JAG2: variants seen among roughly 807,000 people sequenced by gnomAD.
The protein encoded by JAG2 is jagged canonical Notch ligand 2.
Under a neutral mutation model 141.7 loss-of-function variants are expected in JAG2, and 46 were observed. The observed-to-expected ratio is 0.32, with a 90% CI of 0.26 to 0.42. The LOEUF (loss-of-function observed/expected upper bound fraction) is 0.42, where lower values mean the gene tolerates loss of function less well. Among genes scored for constraint, JAG2 ranks in the 10% least tolerant of loss-of-function variants. The probability of loss-of-function intolerance (pLI) is 1.00; values close to 1 mark genes in which losing one functional copy is unlikely to be tolerated. For missense variants in JAG2, 1,500 were observed against 1,817.5 expected (o/e 0.83, Z 3.18); for synonymous variants, 862 against 763.5 (o/e 1.13, Z -2.13).
intron 4 of JAG2, 22 bp downstream of exon 4, chr14:105,155,716 C>CTT (rs1888561033): frequency 1.2e-6 from 2 of 1,612,468 alleles, no homozygotes; most frequent in Non-Finnish European, 1.7e-6. Flanking sequence ...CTGCCCTCCA[C>CTT]GCAGCCCAGC....
chr14:105,168,322 C>A, intron 1 of JAG2, 33 bp downstream of exon 1: 2 of 763,878 alleles, frequency 2.6e-6, no homozygotes, highest in South Asian at 7.8e-5. Flanking sequence ...GTGCCCCGTC[C>A]GCGACCCCCG....
chr14:105,145,487 C>G (rs1442154145), intron 23 of JAG2, among the ~76,000 whole-genome samples: 3 of 152,230 alleles, frequency 2.0e-5, no homozygotes, highest in African/African-American at 7.2e-5. Context: ...AGTCCAGGCC[C>G]TCAGGGCAGC....
At position 105,149,277 on chromosome 14, in the gene JAG2, G is replaced by C. The variant is rs763048065; in HGVS notation, c.1646C>G (p.Ala549Gly). ...LCEPSPCRNG[A>G]RCYNLEGDYY... ...GTCACCCTCCAGGTTATAGCAGCGA[G>C]CGCCGTTCCGGCAGGGGCTTGGCTC... Residue 549 changes from alanine (A) to glycine (G), a missense_variant, in exon 13 of 26, where the codon GCT (alanine) becomes GGT (glycine). This residue lies in a region of JAG2 where 875 missense variants were observed against 1,202.2 expected (regional missense o/e 0.73). Coordinates refer to ENST00000331782, the MANE Select transcript of JAG2 (RefSeq NM_002226.5). 1.3e-5 allele frequency: 21 copies of C among 1,612,602 alleles called. No individual in the cohort carries two copies. Among genetic ancestry groups the C allele is most frequent in the Non-Finnish European group, 1.7e-6 (2 of 1,179,990 alleles).
intron 2 of JAG2, among the ~76,000 whole-genome samples, chr14:105,159,234 C>T (rs1477499909): frequency 2.6e-5 from 4 of 152,012 alleles, no homozygotes; most frequent in Admixed American, 1.3e-4. Flanking sequence ...ACCCCGGCCC[C>T]GCCCCCGAGC....
chr14:105,154,785 C>T lies in JAG2; in HGVS notation c.788+777G>A, dbSNP rs1888531599. Among the ~76,000 whole-genome samples the T allele has an allele frequency of 6.6e-6, 1 of 152,066 alleles. No individual in the cohort carries two copies. Among genetic ancestry groups the T allele is most frequent in the Non-Finnish European group, 1.5e-5 (1 of 67,984 alleles). ...AGGGACAGGGCAGGCATCGCCTCTC[C>T]ACATCCAGCTAACCCCGGCCCCGCC... On this transcript the variant is annotated intron_variant, in intron 5 of 25. Transcript: ENST00000331782. The surrounding 1 kb of genome is among the most constrained non-coding windows in gnomAD (Gnocchi z 4.4).
chr14:105,168,535 AGCGGCAGAG>A lies in JAG2; in HGVS notation c.-124_-116del, dbSNP rs1217132789. 1 of 154,694 alleles carries A rather than the reference AGCGGCAGAG, an allele frequency of 6.5e-6. No individual in the cohort carries two copies. The highest frequency in any genetic ancestry group is 1.3e-5 in the Non-Finnish European group (1 of 76,372). The allele number at this position is 154,694 out of a possible 1,614,324, so 9.6% of individuals were successfully genotyped here. A position where few individuals can be genotyped will look rare whatever the true frequency, so the allele number is the denominator to read the frequency against. On this transcript the variant is annotated 5_prime_UTR_variant, in exon 1 of 26. Coordinates refer to ENST00000331782, the MANE Select transcript of JAG2 (RefSeq NM_002226.5). Reference sequence around the variant, plus strand: ...TCCGAGCGCCCGCAGAGGCAGCGGCAGCGGCAGAGGCGGCGGCGGCGGCGGCGCGGGCGG... The same window carrying A: ...TCCGAGCGCCCGCAGAGGCAGCGGCAGCGGCGGCGGCGGCGGCGCGGGCGG...
chr14:105,146,694 G>A lies in JAG2; in HGVS notation c.2510C>T (p.Ala837Val), dbSNP rs775775134. The A allele has an allele frequency of 6.2e-7, 1 of 1,612,504 alleles. No individual in the cohort carries two copies. The highest frequency in any genetic ancestry group is 8.5e-7 in the Non-Finnish European group (1 of 1,179,830). ...CTCATCCACACACGTGGCCCCGTAG[G>A]CACAGGGCGAGGACTGGCACTCGTC... ...NIDECQSSPC[A>V]YGATCVDEIN... is the part of the protein sequence containing the mutation. The change falls in exon 21 of 26, where the codon GCC (alanine) becomes GTC (valine). Residue 837 changes from alanine (A) to valine (V), a missense_variant. Physicochemically the swap from Ala to Val is moderately conservative, Grantham distance 64. Around this residue, in one of 3 missense-constraint regions of JAG2, gnomAD observed 875 missense variants for 1,202.2 expected, o/e 0.73. Coordinates refer to ENST00000331782, the MANE Select transcript of JAG2 (RefSeq NM_002226.5).
chr14:105,142,568 GT>G lies in JAG2; in HGVS notation c.*126del, dbSNP rs1888087881. ...AAGAAACGTAGAAAATAAACATTTG[GT>G]TTTTGTTTTTGGTGGTTTTTTTACA... On this transcript the variant is annotated 3_prime_UTR_variant, in exon 26 of 26. Transcript: ENST00000331782. The G allele has an allele frequency of 1.5e-6, 1 of 666,294 alleles. No homozygotes were observed. Among genetic ancestry groups the G allele is most frequent in the African/African-American group, 1.8e-5 (1 of 54,960 alleles). The allele number at this position is 666,294 out of a possible 1,614,324, so 41.3% of individuals were successfully genotyped here.
chr14:105,144,577 C>A (rs369049585), intron 24 of JAG2, among the ~76,000 whole-genome samples: 27 of 152,340 alleles, frequency 1.8e-4, no homozygotes, highest in East Asian at 9.6e-4. Context: ...AGGTCCAGGG[C>A]AGGTGCCAGT....
chr14:105,158,434 G>A (rs1217612406), intron 2 of JAG2, among the ~76,000 whole-genome samples: 1 of 152,152 alleles, frequency 6.6e-6, no homozygotes, highest in Non-Finnish European at 1.5e-5. Context: ...GGACTGCCCA[G>A]CACAGCCTCA....
rs1248448148 is a variant in JAG2 at position 105,154,806 on chromosome 14, C to G, written c.788+756G>C. On this transcript the variant is annotated intron_variant, in intron 5 of 25. Transcript: ENST00000331782. The surrounding 1 kb of genome is among the most constrained non-coding windows in gnomAD (Gnocchi z 4.4). The stretch of plus-strand genomic sequence containing the variant: ...TCTCCACATCCAGCTAACCCCGGCC[C>G]CGCCTGCTCCTCTGTGGCATTCCTC... Among the ~76,000 whole-genome samples the G allele has an allele frequency of 6.6e-6, 1 of 152,106 alleles. No homozygotes were observed. Among genetic ancestry groups the G allele is most frequent in the Non-Finnish European group, 1.5e-5 (1 of 68,006 alleles).
Position 105,165,761 on chromosome 14 carries a change from C to A in JAG2, c.417+1996G>T, listed in dbSNP as rs79005058. Among the ~76,000 whole-genome samples the A allele has an allele frequency of 2.0e-5, 3 of 152,288 alleles. No homozygotes were observed. In the East Asian group the frequency reaches 5.8e-4, roughly 29 times the overall value. Reference sequence around the variant, plus strand: ...CAAGGCCCTCTCATTCCCTTTACTCCAAGGAGCCCAAAAGCCCCACGGGCC... The same window carrying A: ...CAAGGCCCTCTCATTCCCTTTACTCAAAGGAGCCCAAAAGCCCCACGGGCC... On this transcript the variant is annotated intron_variant, in intron 2 of 25. Coordinates refer to ENST00000331782, the MANE Select transcript of JAG2 (RefSeq NM_002226.5).
chr14:105,167,796 G>A lies in JAG2; in HGVS notation c.378C>T (p.Asp126=), dbSNP rs771673199. ...GGAAGGGGATGACGACGAGGCCCGG[G>A]TCCTGGTCGCCGCCGGCCCGGGCCC... is the stretch of plus-strand genomic sequence containing the variant. The part of the protein sequence containing the change: ...RARARAGGDQ[D]PGLVVIPFQF... Residue 126 remains aspartate, a synonymous_variant, in exon 2 of 26, where the codon GAC becomes GAT. Coordinates refer to ENST00000331782, the MANE Select transcript of JAG2 (RefSeq NM_002226.5). The surrounding 1 kb of genome is among the most constrained non-coding windows in gnomAD (Gnocchi z 4.8). 6.8e-6 allele frequency: 10 copies of A among 1,465,262 alleles called. No individual in the cohort carries two copies. The South Asian group carries it at 7.8e-5, about 11-fold the overall frequency. 90.8% of individuals were successfully genotyped at this position (1,465,262 alleles called of 1,614,324 possible). A position where few individuals can be genotyped will look rare whatever the true frequency, so the allele number is the denominator to read the frequency against.
chr14:105,143,421 T>G, intron 25 of JAG2, 61 bp downstream of exon 25: 1 of 1,523,000 alleles, frequency 6.6e-7, no homozygotes, highest in Non-Finnish European at 8.8e-7. Context: ...CGGCCGGCTC[T>G]GTGCCCAATG....
In JAG2 at chr14:105,150,615, G is replaced by A; in HGVS notation, c.1591C>T (p.Pro531Ser). The A allele has an allele frequency of 5.2e-6, 8 of 1,548,706 alleles. No homozygotes were observed. Among genetic ancestry groups the A allele is most frequent in the Non-Finnish European group, 6.1e-6 (7 of 1,146,150 alleles). The part of the protein sequence containing the change: ...HCHCPQGFSG[P>S]LCEVDVDLCE... ...CAGGCAGACCTCACCTCACAGAGAG[G>A]CCCGGAGAAGCCCTGGGGGCAGTGG... Residue 531 changes from proline to serine, a missense_variant, in exon 12 of 26, where the codon CCT becomes TCT. Pro to Ser is a moderately conservative substitution (Grantham distance 74). Around this residue, in one of 3 missense-constraint regions of JAG2, gnomAD observed 875 missense variants for 1,202.2 expected, o/e 0.73. Transcript: ENST00000331782.
chr14:105,147,432 A>G lies in JAG2; in HGVS notation c.2394-21T>C, dbSNP rs374903459. 14 of 1,610,604 alleles carry G rather than the reference A, an allele frequency of 8.7e-6. No homozygotes were observed. In the African/African-American group the frequency reaches 1.5e-4, roughly 17 times the overall value. Reference sequence around the variant, plus strand: ...TGTAGCTGCAGAGCAGAGGGTGGGCATCAGGTGGCCCCCCGTGGTATGCCA... The same window carrying G: ...TGTAGCTGCAGAGCAGAGGGTGGGCGTCAGGTGGCCCCCCGTGGTATGCCA... On this transcript the variant is annotated intron_variant, in intron 19 of 25. Transcript: ENST00000331782.
intron 20 of JAG2, chr14:105,147,045 CCA>C: frequency 1.7e-6 from 1 of 602,484 alleles, no homozygotes; most frequent in Non-Finnish European, 3.0e-6. Context: ...AGCCCTGCGG[CCA>C]CAGAGGAGCC....
chr14:105,162,445 T>C (rs926455263), intron 2 of JAG2, among the ~76,000 whole-genome samples: 4 of 39,362 alleles, frequency 1.0e-4, no homozygotes, highest in Admixed American at 4.0e-4. Context: ...GACAAGACAA[T>C]AGATGTTCCA....
chr14:105,163,954 C>T (rs1450783245), intron 2 of JAG2, among the ~76,000 whole-genome samples: 1 of 152,056 alleles, frequency 6.6e-6, no homozygotes, highest in East Asian at 1.9e-4. Flanking sequence ...CCACCACCAG[C>T]AGCAGCTCAG....
Sources: gnomAD v4.1 joint callset for allele counts (sites outside exome capture counted in the v4.1 genomes callset) on GRCh38, gnomAD v4.1.1 for gene constraint, gnomAD v4.1.1 regional missense constraint, Gnocchi (gnomAD v3.1) non-coding constraint, MANE v1.5 for transcripts, NCBI Gene and HGNC (gene_info 2026-07-23, HGNC 2026-07-21) for gene names.